The following NCOA1 variants were observed in gnomAD, a reference collection of about 807,000 sequenced individuals.
NCOA1 encodes the protein Hin-2 protein.
A neutral mutation model predicts 150.9 loss-of-function variants in NCOA1; 35 were observed. That is an observed-to-expected ratio of 0.23 (90% CI 0.18 to 0.31). NCOA1 has a LOEUF of 0.31. Ranked by LOEUF, NCOA1 falls within the 10% of genes least tolerant of loss-of-function variation. NCOA1 has a pLI of 1.00. For synonymous variants in NCOA1, 590 were observed against 630.0 expected, an observed-to-expected ratio of 0.94 and a Z score of 0.95; for missense variants, 1,491 against 1,749.3, an observed-to-expected ratio of 0.85 and a Z score of 2.63.
intron 2 of NCOA1, among the ~76,000 whole-genome samples, chr2:24,577,307 TATTA>T (rs1434771551): frequency 6.6e-6 from 1 of 152,248 alleles, no homozygotes; most frequent in African/African-American, 2.4e-5. Flanking sequence ...ATTCAAACAC[TATTA>T]ATTGTGACAT....
intron 1 of NCOA1, among the ~76,000 whole-genome samples, chr2:24,550,221 C>T (rs947890131): frequency 1.3e-5 from 2 of 152,196 alleles, no homozygotes; most frequent in Non-Finnish European, 2.9e-5. Flanking sequence ...CTGCCTGTTA[C>T]CCAGTTCCAA....
chr2:24,713,779 A>G (rs1371466941), intron 14 of NCOA1, among the ~76,000 whole-genome samples: 6 of 152,220 alleles, frequency 3.9e-5, no homozygotes, highest in Non-Finnish European at 8.8e-5. Flanking sequence ...GGAGGAACCC[A>G]AAATAAGCAC....
intron 19 of NCOA1, among the ~76,000 whole-genome samples, chr2:24,748,365 ACTTT>A (rs1483668331): frequency 6.6e-6 from 1 of 152,098 alleles, no homozygotes; most frequent in African/African-American, 2.4e-5. Context: ...TAATCCCAGC[ACTTT>A]GGGAGGCCGA....
intron 14 of NCOA1, among the ~76,000 whole-genome samples, chr2:24,725,074 T>C (rs1323243931): frequency 2.0e-5 from 3 of 152,146 alleles, no homozygotes; most frequent in Non-Finnish European, 2.9e-5. Flanking sequence ...ATATTGAATA[T>C]ATTCACTTAG....
chr2:24,667,256 C>G (rs1391976863), intron 6 of NCOA1, among the ~76,000 whole-genome samples: 1 of 152,114 alleles, frequency 6.6e-6, no homozygotes, highest in African/African-American at 2.4e-5. Flanking sequence ...TGCTTGGTCT[C>G]GAAACACTAA....
intron 3 of NCOA1, among the ~76,000 whole-genome samples, chr2:24,605,801 A>G (rs1046936040): frequency 6.6e-6 from 1 of 152,200 alleles, no homozygotes; most frequent in Non-Finnish European, 1.5e-5. Context: ...GAAGTAATCT[A>G]TGCCACTTTT....
intron 14 of NCOA1, among the ~76,000 whole-genome samples, chr2:24,726,219 G>A (rs141522458): frequency 9.2e-5 from 14 of 152,002 alleles, no homozygotes; most frequent in Admixed American, 1.3e-4. Flanking sequence ...CTCTTATTTC[G>A]TGGTGATGAC....
At chr2:24,563,671 C>T (rs1417724782) in intron 1 of NCOA1, among the ~76,000 whole-genome samples, 3 of 152,152 alleles carry the variant, frequency 2.0e-5, no homozygotes, top group South Asian at 2.1e-4. Flanking sequence ...GTGGATGCCA[C>T]CAAGCCCAGC....
chr2:24,516,221 C>T (rs1404570330), intron 1 of NCOA1, among the ~76,000 whole-genome samples: 1 of 132,630 alleles, frequency 7.5e-6, no homozygotes, highest in Non-Finnish European at 1.6e-5. Flanking sequence ...GAGACGGAGC[C>T]TCGCTCTGTC....
chr2:24,749,065 C>A (rs1664084943), intron 19 of NCOA1, among the ~76,000 whole-genome samples: 1 of 152,208 alleles, frequency 6.6e-6, no homozygotes, highest in Non-Finnish European at 1.5e-5. Flanking sequence ...TAGCATTAAA[C>A]ATTAAACATT....
At chr2:24,502,693 C>A (rs572246125) in intron 1 of NCOA1, among the ~76,000 whole-genome samples, 6 of 152,232 alleles carry the variant, frequency 3.9e-5, no homozygotes, top group Admixed American at 6.5e-5. Flanking sequence ...AATTTTTTGT[C>A]CTCTAAACAT....
At chr2:24,737,623 C>T (rs1663386753) in intron 17 of NCOA1, among the ~76,000 whole-genome samples, 1 of 152,158 alleles carries the variant, frequency 6.6e-6, no homozygotes, top group Non-Finnish European at 1.5e-5. Context: ...CTCCTTGCCA[C>T]CTTGCATTCT....
At chr2:24,501,461 G>T (rs868278733) in intron 1 of NCOA1, among the ~76,000 whole-genome samples, 1 of 152,052 alleles carries the variant, frequency 6.6e-6, no homozygotes, top group Middle Eastern at 3.2e-3. Flanking sequence ...AAAGCACAAA[G>T]TTTTTGTGTC....
intron 4 of NCOA1, among the ~76,000 whole-genome samples, chr2:24,653,188 G>C (rs1474193992): frequency 6.6e-6 from 1 of 152,088 alleles, no homozygotes; most frequent in South Asian, 2.1e-4. Context: ...TAGATCCAGA[G>C]GTATTTATTA....
intron 1 of NCOA1, among the ~76,000 whole-genome samples, chr2:24,514,389 A>C (rs1369407419): frequency 6.6e-6 from 1 of 151,920 alleles, no homozygotes; most frequent in Non-Finnish European, 1.5e-5. Flanking sequence ...AGTCTTCATT[A>C]CCTATATATT....
At chr2:24,628,021 C>T (rs920651318) in intron 3 of NCOA1, among the ~76,000 whole-genome samples, 4 of 152,252 alleles carry the variant, frequency 2.6e-5, no homozygotes, top group South Asian at 4.1e-4. Context: ...TCTGGGAGGC[C>T]GGGCGCGGTG....
At position 24,636,333 on chromosome 2, in the gene NCOA1, G is replaced by GATGCTATTATAAATAAAATTGTTTTTA. The variant is rs1669937832; in HGVS notation, c.-174-7631_-174-7605dup. On this transcript the variant is annotated intron_variant, in intron 3 of 22. Transcript: ENST00000348332. ...ATTAATTCCAAAGTATTTTGTTTTT[G>GATGCTATTATAAATAAAATTGTTTTTA]ATGCTATTATAAATAAAATTGTTTT... 6.6e-5 allele frequency among the ~76,000 whole-genome samples: 10 copies of GATGCTATTATAAATAAAATTGTTTTTA among 152,112 alleles called. No individual in the cohort carries two copies. The South Asian group carries it at 2.1e-3, about 32-fold the overall frequency.
chr2:24,638,717 G>A (rs1399817603), intron 3 of NCOA1, among the ~76,000 whole-genome samples: 4 of 152,048 alleles, frequency 2.6e-5, no homozygotes, highest in Non-Finnish European at 4.4e-5. Flanking sequence ...CCTCATTGTG[G>A]TTTTGATTTG....
At chr2:24,557,884 A>G (rs930543389) in intron 1 of NCOA1, among the ~76,000 whole-genome samples, 12 of 150,662 alleles carry the variant, frequency 8.0e-5, no homozygotes, top group African/African-American at 2.4e-4. Context: ...TGCGATTTTT[A>G]TCTTCATTTT....
Sources: gnomAD v4.1 joint callset for allele counts (sites outside exome capture counted in the v4.1 genomes callset) on GRCh38, gnomAD v4.1.1 for gene constraint, MANE v1.5 for transcripts, NCBI Gene and HGNC (gene_info 2026-07-23, HGNC 2026-07-21) for gene names.